The following YEATS2 variants were observed in gnomAD, a reference collection of about 807,000 sequenced individuals.
YEATS2 encodes YEATS domain-containing protein 2.
A neutral mutation model predicts 163.2 loss-of-function variants in YEATS2; 77 were observed. The observed-to-expected ratio is 0.47, with a 90% CI of 0.39 to 0.57. The LOEUF is 0.57. Among genes scored for constraint, YEATS2 ranks in the 20% least tolerant of loss-of-function variants. The pLI, the probability that YEATS2 is intolerant of heterozygous loss-of-function variation, is 0.00. For missense variants in YEATS2, 1,549 were observed against 1,729.8 expected, an observed-to-expected ratio of 0.90 and a Z score of 1.85; for synonymous variants, 631 against 645.1, an observed-to-expected ratio of 0.98 and a Z score of 0.33.
chr3:183,754,444 G>T, intron 11 of YEATS2, 79 bp downstream of exon 11: 1 of 1,505,356 alleles, frequency 6.6e-7, no homozygotes, highest in South Asian at 1.3e-5. Flanking sequence ...CAAAATACTT[G>T]GCTTTTTTTC....
At chr3:183,732,708 C>T (rs143849486) in intron 7 of YEATS2, among the ~76,000 whole-genome samples, 13 of 151,646 alleles carry the variant, frequency 8.6e-5, no homozygotes, top group East Asian at 2.0e-4. Context: ...TACAGGCGCC[C>T]GCCACCACTC....
chr3:183,700,093 T>A (rs1176985858), intron 1 of YEATS2, among the ~76,000 whole-genome samples: 1 of 152,224 alleles, frequency 6.6e-6, no homozygotes, highest in Non-Finnish European at 1.5e-5. Context: ...GTTTGTGAAT[T>A]TCTTTTCCTG....
intron 11 of YEATS2, among the ~76,000 whole-genome samples, chr3:183,754,678 T>C (rs1332721919): frequency 6.6e-6 from 1 of 152,152 alleles, no homozygotes; most frequent in African/African-American, 2.4e-5. Flanking sequence ...GTTTGGGGAT[T>C]ATATACATGG....
At chr3:183,756,872 A>AT (rs1720828633) in intron 12 of YEATS2, among the ~76,000 whole-genome samples, 183 bp downstream of exon 12, 1 of 152,212 alleles carries the variant, frequency 6.6e-6, no homozygotes, top group Admixed American at 6.5e-5. Context: ...TAAAAGTTGC[A>AT]TTTTTTAGAA....
chr3:183,779,100 A>G (rs1264589506), intron 19 of YEATS2, among the ~76,000 whole-genome samples: 3 of 151,392 alleles, frequency 2.0e-5, no homozygotes, highest in Admixed American at 2.0e-4. Flanking sequence ...TAATAGAGAC[A>G]GGGTTTCACC....
intron 9 of YEATS2, among the ~76,000 whole-genome samples, chr3:183,749,108 A>T (rs1280759238): frequency 4.6e-5 from 7 of 151,878 alleles, no homozygotes; most frequent in Non-Finnish European, 1.0e-4. Context: ...ACGCCCGGCT[A>T]ATTTTTTGTA....
chr3:183,798,539 A>G (rs145854394), intron 22 of YEATS2, among the ~76,000 whole-genome samples: 56 of 152,228 alleles, frequency 3.7e-4, no homozygotes, highest in African/African-American at 1.3e-3. Context: ...TTTTTAGTAA[A>G]GATGGGGTTT....
Position 183,803,304 on chromosome 3 carries a change from G to A in YEATS2, c.3551G>A (p.Gly1184Asp). 1 of 1,611,768 alleles carries A rather than the reference G, an allele frequency of 6.2e-7. No individual in the cohort carries two copies. Among genetic ancestry groups the A allele is most frequent in the Non-Finnish European group, 8.5e-7 (1 of 1,179,794 alleles). ...FSAKSVEQYY[G>D]WNIGKRRAAE... ...GCAAAGTCTGTGGAGCAGTACTATGGCTGGAACATTGGAAAAAGGAGAGCC... is the reference window on the plus strand; with the variant it reads ...GCAAAGTCTGTGGAGCAGTACTATGACTGGAACATTGGAAAAAGGAGAGCC... Residue 1184 changes from glycine (G) to aspartate (D), a missense_variant, in exon 26 of 31, where the codon GGC becomes GAC. By Grantham distance (94) the Gly-to-Asp change is moderately conservative. Coordinates refer to ENST00000305135, the MANE Select transcript of YEATS2 (RefSeq NM_018023.5).
intron 7 of YEATS2, among the ~76,000 whole-genome samples, chr3:183,731,632 ATATAT>A (rs538484697): frequency 9.9e-5 from 15 of 152,208 alleles, no homozygotes; most frequent in Non-Finnish European, 1.9e-4. Context: ...ACTTATCAAG[ATATAT>A]TATAACAGTG....
Position 183,789,686 on chromosome 3 carries a change from C to A in YEATS2, c.2914-1111C>A, listed in dbSNP as rs527329091. On this transcript the variant is annotated intron_variant, in intron 20 of 30. Transcript: ENST00000305135. ...GAGTAGCTGAGATTACAGGCACCCA[C>A]CACCACGCCCAGCTAATTTTTTTTT... Among the ~76,000 whole-genome samples, 6 of 147,110 alleles carry A rather than the reference C, an allele frequency of 4.1e-5. No homozygotes were observed. The East Asian group carries it at 8.1e-4, about 20-fold the overall frequency.
In YEATS2 at chr3:183,811,972, G is replaced by T. The variant is rs574471345; in HGVS notation, c.*1389G>T. The T allele has an allele frequency of 6.6e-6, 1 of 152,370 alleles. No homozygotes were observed. Among genetic ancestry groups the T allele is most frequent in the Admixed American group, 6.5e-5 (1 of 15,298 alleles). 9.4% of individuals were successfully genotyped at this position (152,370 alleles called of 1,614,324 possible). On this transcript the variant is annotated 3_prime_UTR_variant, in exon 31 of 31. Transcript: ENST00000305135. ...ATCTGGGCCGGGCATGGTGGCTCACGCCTGTAATCCCAGCACTCTGGGAGG... is the reference window on the plus strand; with the variant it reads ...ATCTGGGCCGGGCATGGTGGCTCACTCCTGTAATCCCAGCACTCTGGGAGG...
chr3:183,770,504 T>C (rs1370769853), intron 15 of YEATS2, among the ~76,000 whole-genome samples: 1 of 152,252 alleles, frequency 6.6e-6, no homozygotes, highest in Non-Finnish European at 1.5e-5. Context: ...CAGTAACATA[T>C]GTAGAGAATT....
rs574441299 is a variant in YEATS2, at chr3:183,715,971, A to AT, written c.100+715dup. ...ACTTTACTTTTTTATTTATTTATTT[A>AT]TTTTTTGAGACAGAGTCTTGCTCTG... On this transcript the variant is annotated intron_variant, in intron 2 of 30. Transcript: ENST00000305135. 4.1e-4 allele frequency among the ~76,000 whole-genome samples: 63 copies of AT among 151,982 alleles called. No individual in the cohort carries two copies. In the South Asian group the frequency reaches 4.4e-3, roughly 11 times the overall value.
At chr3:183,779,923 C>G (rs1334289187) in intron 19 of YEATS2, among the ~76,000 whole-genome samples, 1 of 151,194 alleles carries the variant, frequency 6.6e-6, no homozygotes, top group Non-Finnish European at 1.5e-5. Context: ...GTCTCGATCT[C>G]TTGACCTCGT....
intron 13 of YEATS2, 105 bp downstream of exon 13, chr3:183,759,070 TG>T (rs1721073695): frequency 1.3e-6 from 1 of 740,806 alleles, no homozygotes; most frequent in African/African-American, 1.9e-5. Context: ...TTAACCAGGC[TG>T]TATCGAACTC....
intron 20 of YEATS2, among the ~76,000 whole-genome samples, chr3:183,787,723 C>T (rs185661927): frequency 7.2e-5 from 11 of 151,814 alleles, no homozygotes; most frequent in Admixed American, 5.9e-4. Context: ...TTAGGCTGGG[C>T]GCAGTGGCTC....
intron 17 of YEATS2, among the ~76,000 whole-genome samples, chr3:183,774,372 G>A (rs1024139642): frequency 1.3e-5 from 2 of 152,136 alleles, no homozygotes; most frequent in African/African-American, 4.8e-5. Flanking sequence ...CTCCTTATGA[G>A]AATCTAATGC....
chr3:183,806,596 GT>G, intron 27 of YEATS2: 16 of 482,682 alleles, frequency 3.3e-5, no homozygotes, highest in Middle Eastern at 6.0e-4. Context: ...GGATGACCTG[GT>G]TTTTGGTGGC....
rs538610411 is a variant in YEATS2 at position 183,803,281 on chromosome 3, A to G, written c.3528A>G (p.Ala1176=). ...AKSEDASCFS[A]KSVEQYYGWN... ...GTGAAGATGCCAGCTGCTTTTCTGC[A>G]AAGTCTGTGGAGCAGTACTATGGCT... is the stretch of plus-strand genomic sequence containing the variant. Residue 1176 remains alanine, a synonymous_variant, in exon 26 of 31, where the codon GCA becomes GCG. Coordinates refer to ENST00000305135, the MANE Select transcript of YEATS2 (RefSeq NM_018023.5). 6.8e-5 allele frequency: 109 copies of G among 1,611,954 alleles called. No individual in the cohort carries two copies. In the South Asian group the frequency reaches 1.0e-3, roughly 15 times the overall value.
Sources: gnomAD v4.1 joint callset for allele counts (sites outside exome capture counted in the v4.1 genomes callset) on GRCh38, gnomAD v4.1.1 for gene constraint, MANE v1.5 for transcripts, NCBI Gene and HGNC (gene_info 2026-07-23, HGNC 2026-07-21) for gene names.